Variants in TENM3 observed in about 807,000 individuals in gnomAD.
TENM3 encodes teneurin transmembrane protein 3, also known as teneurin-3.
In TENM3, 63 loss-of-function variants were observed where a neutral mutation model predicts 255.1. The observed-to-expected ratio is 0.25, with a 90% CI of 0.20 to 0.30. The LOEUF is 0.30. TENM3 is among the 10% of genes least tolerant of loss of function. The probability of loss-of-function intolerance (pLI) is 1.00; values close to 1 mark genes in which losing one functional copy is unlikely to be tolerated. For missense variants in TENM3, 2,929 were observed against 3,461.1 expected, an observed-to-expected ratio of 0.85 and a Z score of 3.86; for synonymous variants, 1,306 against 1,322.3, an observed-to-expected ratio of 0.99 and a Z score of 0.27.
chr4:182,023,088 G>A, the TENM3 span, among the ~76,000 whole-genome samples: 1 of 152,168 alleles, frequency 6.6e-6, no homozygotes, highest in African/African-American at 2.4e-5. Flanking sequence ...TCAACAAGAC[G>A]GGGTTGGTTT....
intron 5 of TENM3, among the ~76,000 whole-genome samples, chr4:182,643,862 G>A (rs1752521316): frequency 6.6e-6 from 1 of 152,166 alleles, no homozygotes; most frequent in South Asian, 2.1e-4. Flanking sequence ...GAAGTTTTGA[G>A]GTTTGGGAGA....
At chr4:182,005,604 A>C in the TENM3 span, among the ~76,000 whole-genome samples, 1 of 152,194 alleles carries the variant, frequency 6.6e-6, no homozygotes, top group African/African-American at 2.4e-5. Flanking sequence ...AATTCTGTGA[A>C]GAATGTCAAT....
At chr4:181,953,507 C>T in the TENM3 span, among the ~76,000 whole-genome samples, 2 of 152,036 alleles carry the variant, frequency 1.3e-5, no homozygotes, top group Non-Finnish European at 2.9e-5. Flanking sequence ...GGCAACAAAA[C>T]ACCACCAGCT....
intron 4 of TENM3, among the ~76,000 whole-genome samples, chr4:182,612,315 G>A (rs1041707841): frequency 8.0e-5 from 12 of 150,098 alleles, no homozygotes; most frequent in East Asian, 7.8e-4. Context: ...ACAACTCATC[G>A]CGAAACATTG....
Position 182,800,440 on chromosome 4 carries a change from C to T in TENM3, c.*89C>T. 1 of 1,420,570 alleles carries T rather than the reference C, an allele frequency of 7.0e-7. No individual in the cohort carries two copies. Among genetic ancestry groups the T allele is most frequent in the Non-Finnish European group, 9.3e-7 (1 of 1,079,580 alleles). The allele number at this position is 1,420,570 out of a possible 1,614,324, so 88.0% of individuals were successfully genotyped here. On this transcript the variant is annotated 3_prime_UTR_variant, in exon 28 of 28. Transcript: ENST00000511685. ...GTGGGACTCTCCAACGCCCAAGAGC[C>T]TTCCTCCCGGGGGAATGAGACTGCT...
intron 1 of TENM3, among the ~76,000 whole-genome samples, chr4:182,162,866 G>A (rs770599724): frequency 1.2e-4 from 19 of 152,210 alleles, no homozygotes; most frequent in South Asian, 6.2e-4. Context: ...CCTAATTCCC[G>A]TCGAAAGGCC....
the TENM3 span, chr4:181,820,443 A>G: frequency 1.3e-5 from 2 of 151,972 alleles, no homozygotes; most frequent in African/African-American, 2.4e-5. Context: ...CTTAGTTGCA[A>G]TGATTAGTGA....
the TENM3 span, among the ~76,000 whole-genome samples, chr4:182,103,831 A>G: frequency 6.6e-6 from 1 of 152,212 alleles, no homozygotes; most frequent in Non-Finnish European, 1.5e-5. Context: ...CCTTTCTGTA[A>G]TGTCACTCAT....
chr4:182,144,581 GCGCCCCCTCCC>G (rs1175151725), upstream of TENM3: 2 of 148,604 alleles, frequency 1.3e-5, no homozygotes, highest in East Asian at 4.1e-4. Flanking sequence ...TGTAACACTC[GCGCCCCCTCCC>G]CGCCCCCGCC....
At chr4:182,516,239 T>C (rs971563194) in intron 3 of TENM3, among the ~76,000 whole-genome samples, 1 of 152,242 alleles carries the variant, frequency 6.6e-6, no homozygotes, top group African/African-American at 2.4e-5. Context: ...ATCTCATCTT[T>C]AAATTGAATG....
the TENM3 span, among the ~76,000 whole-genome samples, chr4:181,907,253 G>A: frequency 3.3e-5 from 5 of 152,192 alleles, no homozygotes; most frequent in Non-Finnish European, 5.9e-5. Flanking sequence ...AAGCAGGAGT[G>A]CAACAGGGAG....
At chr4:181,804,467 G>A in the TENM3 span, among the ~76,000 whole-genome samples, 30 of 152,210 alleles carry the variant, frequency 2.0e-4, 1 homozygote, top group East Asian at 5.0e-3. Context: ...TATATGTGTC[G>A]AGATACACAG....
intron 4 of TENM3, among the ~76,000 whole-genome samples, chr4:182,609,721 T>G (rs1432046392): frequency 6.6e-6 from 1 of 152,200 alleles, no homozygotes; most frequent in African/African-American, 2.4e-5. Flanking sequence ...GATTAAAATC[T>G]CAACATCCTA....
chr4:181,956,731 G>A, the TENM3 span, among the ~76,000 whole-genome samples: 1 of 152,174 alleles, frequency 6.6e-6, no homozygotes, highest in Non-Finnish European at 1.5e-5. Context: ...GGTGATGAAT[G>A]TCCCAGCCAA....
the TENM3 span, among the ~76,000 whole-genome samples, chr4:181,925,924 A>G: frequency 6.6e-6 from 1 of 152,222 alleles, no homozygotes; most frequent in Non-Finnish European, 1.5e-5. Flanking sequence ...ATTGGGAAAG[A>G]TAATGTGGTT....
At chr4:181,860,896 G>A in the TENM3 span, among the ~76,000 whole-genome samples, 5 of 152,042 alleles carry the variant, frequency 3.3e-5, no homozygotes, top group African/African-American at 1.2e-4. Flanking sequence ...ATATTTGGAG[G>A]CACACAAGTC....
the TENM3 span, among the ~76,000 whole-genome samples, chr4:181,529,864 GGTT>G: frequency 1.3e-5 from 2 of 152,190 alleles, no homozygotes. Context: ...TCTTTGATGA[GGTT>G]GTCCATAAGC....
the TENM3 span, among the ~76,000 whole-genome samples, chr4:181,690,662 T>A: frequency 9.9e-5 from 15 of 151,496 alleles, no homozygotes; most frequent in South Asian, 1.7e-3. Flanking sequence ...AAAAAAAAAA[T>A]TCCCTGAAAG....
chr4:181,996,330 A>G, the TENM3 span, among the ~76,000 whole-genome samples: 1,686 of 152,274 alleles, frequency 0.011, 33 homozygotes, highest in South Asian at 0.049. Flanking sequence ...AGGAGAGTTC[A>G]GGAAACCTCT....
Sources: allele counts gnomAD v4.1 joint callset (sites outside exome capture counted in the v4.1 genomes callset), GRCh38; gene constraint gnomAD v4.1.1; transcripts MANE v1.5; gene names NCBI Gene and HGNC (gene_info 2026-07-23, HGNC 2026-07-21).